E2F8: variants seen among roughly 807,000 people sequenced by gnomAD.
E2F8 encodes the protein E2F transcription factor 8, also known as transcription factor E2F8.
In E2F8, 35 loss-of-function variants were observed where a neutral mutation model predicts 80.8. The observed-to-expected ratio is 0.43, with a 90% CI of 0.33 to 0.57. The LOEUF (loss-of-function observed/expected upper bound fraction) is 0.57. Among genes scored for constraint, E2F8 ranks in the 20% least tolerant of loss-of-function variants. E2F8 has a pLI of 0.04. For synonymous variants in E2F8, 386 were observed against 395.0 expected (o/e 0.98, Z 0.27); for missense variants, 975 against 1,056.2 (o/e 0.92, Z 1.07).
chr11:19,235,017 C>G lies in E2F8; in HGVS notation c.493G>C (p.Glu165Gln). The stretch of plus-strand genomic sequence containing the variant: ...AGGCGGCTCACCATATGTAAACTCT[C>G]TAGGACGTTCACGATATCGTAAATG... ...RRIYDIVNVL[E>Q]SLHMVSRLAK... The change falls in exon 5 of 13, where the codon GAG becomes CAG. Residue 165 changes from glutamate to glutamine, a missense_variant. Coordinates refer to ENST00000250024, the MANE Select transcript of E2F8 (RefSeq NM_024680.4). The G allele has an allele frequency of 6.2e-7, 1 of 1,613,016 alleles. No individual in the cohort carries two copies. The highest frequency in any genetic ancestry group is 8.5e-7 in the Non-Finnish European group (1 of 1,179,444).
chr11:19,234,665 G>A, intron 5 of E2F8, 79 bp downstream of exon 5: 1 of 1,535,904 alleles, frequency 6.5e-7, no homozygotes, highest in East Asian at 2.2e-5. Flanking sequence ...TAGCTTTAGA[G>A]CTGTGTTCTC....
rs146633053 is a variant in E2F8 at position 19,237,462 on chromosome 11, T to G, written c.303A>C (p.Leu101Phe). ...PEAKDCIHEH[L>F]SGDEFEKSQP... Reference sequence around the variant, plus strand: ...GGGATTTCTCAAATTCATCTCCAGATAAGTGTTCCTACAAAGGAAAAGGTA... The same window carrying G: ...GGGATTTCTCAAATTCATCTCCAGAGAAGTGTTCCTACAAAGGAAAAGGTA... Residue 101 changes from leucine to phenylalanine, a missense_variant, in exon 4 of 13, where the codon TTA becomes TTC. Physicochemically the swap from Leu to Phe is conservative, Grantham distance 22. Transcript: ENST00000250024. 2.5e-4 allele frequency: 411 copies of G among 1,613,044 alleles called. No homozygotes were observed. Among genetic ancestry groups the G allele is most frequent in the Non-Finnish European group, 3.1e-4 (366 of 1,179,712 alleles).
intron 9 of E2F8, 104 bp downstream of exon 9, chr11:19,230,137 C>T: frequency 6.8e-7 from 1 of 1,474,898 alleles, no homozygotes; most frequent in Non-Finnish European, 9.2e-7. Context: ...AAAAGATTAG[C>T]TCTCCAGTTC....
In E2F8 at chr11:19,225,907, G is replaced by A. The variant is rs1341250065; in HGVS notation, c.1894-43C>T. 15 of 1,587,768 alleles carry A rather than the reference G, an allele frequency of 9.4e-6. No individual in the cohort carries two copies. In the African/African-American group the frequency reaches 9.5e-5, roughly 10 times the overall value. On this transcript the variant is annotated intron_variant, in intron 10 of 12. Transcript: ENST00000250024. ...AGGGTTTATTTTACACACAAATACA[G>A]GAAGAAAAATGGCCACGTGCCTCTT... is the stretch of plus-strand genomic sequence containing the variant.
chr11:19,232,292 T>G lies in E2F8; in HGVS notation c.1008A>C (p.Glu336Asp), dbSNP rs370518324. The change falls in exon 7 of 13, where the codon GAA becomes GAC. Residue 336 changes from glutamate (E) to aspartate (D), a missense_variant. Glu to Asp is a conservative substitution (Grantham distance 45). Transcript: ENST00000250024. ...ATTTGAAAGCTGGTTTTCGGCCTCT[T>G]TCCTCTGTAACATGAACTTTCTTGA... ...DLIKKVHVTE[E>D]RGRKPAFKWT... 1.1e-5 allele frequency: 17 copies of G among 1,614,108 alleles called. No individual in the cohort carries two copies. Among genetic ancestry groups the G allele is most frequent in the African/African-American group, 4.0e-5 (3 of 74,956 alleles).
rs192150944 is a variant in E2F8 at position 19,232,164 on chromosome 11, C to T, written c.1066+70G>A. 13 of 1,582,158 alleles carry T rather than the reference C, an allele frequency of 8.2e-6. No homozygotes were observed. The Admixed American group carries it at 2.1e-4, about 26-fold the overall frequency. ...GACACAGGGAGGGGAACAACACACACTGGAAATTAAAAATTAGAAAAACAC... is the reference window on the plus strand; with the variant it reads ...GACACAGGGAGGGGAACAACACACATTGGAAATTAAAAATTAGAAAAACAC... On this transcript the variant is annotated intron_variant, in intron 7 of 12. Transcript: ENST00000250024.
chr11:19,229,847 G>T lies in E2F8; in HGVS notation c.1500C>A (p.Ile500=), dbSNP rs555898969. The T allele has an allele frequency of 6.2e-7, 1 of 1,613,816 alleles. No homozygotes were observed. The highest frequency in any genetic ancestry group is 8.5e-7 in the Non-Finnish European group (1 of 1,179,980). Residue 500 remains isoleucine (I), a synonymous_variant, in exon 10 of 13, where the codon ATC becomes ATA. Coordinates refer to ENST00000250024, the MANE Select transcript of E2F8 (RefSeq NM_024680.4). This position sits in a 1 kb window ranked among gnomAD's most constrained non-coding sequence, Gnocchi z 4.3. ...LIQPLGMVPL[I]PSPLSSAVPL... ...GCACTGCTGATGACAAGGGGCTGGG[G>T]ATCAGGGGAACCATTCCCAGGGGCT...
chr11:19,225,874 A>G lies in E2F8; in HGVS notation c.1894-10T>C. 1 of 1,611,532 alleles carries G rather than the reference A, an allele frequency of 6.2e-7. No homozygotes were observed. Among genetic ancestry groups the G allele is most frequent in the East Asian group, 2.2e-5 (1 of 44,862 alleles). ...CTGATGGGAACAAGGTCTAGAAAAC[A>G]AGGAGGAAGGGTTTATTTTACACAC... On this transcript the variant is annotated splice_polypyrimidine_tract_variant and intron_variant, in intron 10 of 12. Transcript: ENST00000250024.
At chr11:19,236,347 T>G (rs1264268715) in intron 4 of E2F8, among the ~76,000 whole-genome samples, 2 of 152,206 alleles carry the variant, frequency 1.3e-5, no homozygotes, top group African/African-American at 4.8e-5. Flanking sequence ...CTACAATTTA[T>G]TTTTTCCACT....
chr11:19,226,420 G>A (rs1273820494), intron 10 of E2F8, among the ~76,000 whole-genome samples: 1 of 152,196 alleles, frequency 6.6e-6, no homozygotes, highest in African/African-American at 2.4e-5. Flanking sequence ...TTCTCCAAGT[G>A]GGGCACACAG....
At chr11:19,239,566 C>A (rs1851607517) in intron 2 of E2F8, among the ~76,000 whole-genome samples, 1 of 151,930 alleles carries the variant, frequency 6.6e-6, no homozygotes, top group Admixed American at 6.5e-5. Context: ...CATAAATAAG[C>A]TGCCAATTTG....
Position 19,225,379 on chromosome 11 carries a change from C to G in E2F8, c.2263G>C (p.Gly755Arg), listed in dbSNP as rs762809901. Reference sequence around the variant, plus strand: ...GGAGACACAGGAACGATTCCAGACCCAGGGCTGGCAGACAACTGCACATTG... The same window carrying G: ...GGAGACACAGGAACGATTCCAGACCGAGGGCTGGCAGACAACTGCACATTG... ...SPNVQLSASP[G>R]SGIVPVSPRI... Residue 755 changes from glycine (G) to arginine (R), a missense_variant, in exon 12 of 13, where the codon GGG becomes CGG. By Grantham distance (125) the Gly-to-Arg change is moderately radical. Transcript: ENST00000250024. 5.6e-6 allele frequency: 9 copies of G among 1,614,028 alleles called. No homozygotes were observed. Among genetic ancestry groups the G allele is most frequent in the Non-Finnish European group, 5.1e-6 (6 of 1,180,026 alleles).
rs1021865121 is a variant in E2F8 at position 19,224,501 on chromosome 11, A to G, written c.*157T>C. 2.7e-5 allele frequency: 16 copies of G among 596,972 alleles called. No individual in the cohort carries two copies. Among genetic ancestry groups the G allele is most frequent in the East Asian group, 1.7e-4 (6 of 34,292 alleles). The allele number at this position is 596,972 out of a possible 1,614,324, so 37.0% of individuals were successfully genotyped here. A position where few individuals can be genotyped will look rare whatever the true frequency, so the allele number is the denominator to read the frequency against. On this transcript the variant is annotated 3_prime_UTR_variant, in exon 13 of 13. Coordinates refer to ENST00000250024, the MANE Select transcript of E2F8 (RefSeq NM_024680.4). ...TGTGTGTGTGTGTGTGTGTGTGTAT[A>G]TATATATATGTATGAAAACAACTAT...
rs1378930137 is a variant in E2F8, at chr11:19,237,972, G to A, written c.176C>T (p.Pro59Leu). ...KEGSQGEPWT[P>L]TANLKMLISA... The stretch of plus-strand genomic sequence containing the variant: ...GATGAGCATTTTCAGGTTGGCTGTC[G>A]GTGTCCACGGCTCTCCCTGAGAGCC... Residue 59 changes from proline to leucine, a missense_variant, in exon 3 of 13, where the codon CCG becomes CTG. Coordinates refer to ENST00000250024, the MANE Select transcript of E2F8 (RefSeq NM_024680.4). 2.5e-6 allele frequency: 4 copies of A among 1,614,122 alleles called. No homozygotes were observed. Among genetic ancestry groups the A allele is most frequent in the Non-Finnish European group, 3.4e-6 (4 of 1,180,024 alleles).
rs1851622834 is a variant in E2F8 at position 19,240,204 on chromosome 11, A to G, written c.-83T>C. The G allele has an allele frequency of 4.5e-6, 4 of 889,262 alleles. No homozygotes were observed. In the East Asian group the frequency reaches 1.2e-4, roughly 26 times the overall value. The allele number at this position is 889,262 out of a possible 1,614,324, so 55.1% of individuals were successfully genotyped here. On this transcript the variant is annotated 5_prime_UTR_variant, in exon 2 of 13. Transcript: ENST00000250024. The stretch of plus-strand genomic sequence containing the variant: ...AAATCCCGATGGTTCAAGTAGTCCA[A>G]TCAATTGTACTAAAAGTTTTAATAT...
At position 19,240,178 on chromosome 11, in the gene E2F8, C is replaced by A; in HGVS notation, c.-57G>T. 1 of 1,281,500 alleles carries A rather than the reference C, an allele frequency of 7.8e-7. No homozygotes were observed. The highest frequency in any genetic ancestry group is 1.1e-6 in the Non-Finnish European group (1 of 938,194). The allele number at this position is 1,281,500 out of a possible 1,614,324, so 79.4% of individuals were successfully genotyped here. A position where few individuals can be genotyped will look rare whatever the true frequency, so the allele number is the denominator to read the frequency against. On this transcript the variant is annotated 5_prime_UTR_variant, in exon 2 of 13. Transcript: ENST00000250024. The stretch of plus-strand genomic sequence containing the variant: ...AAATGAAAAATCTGGAGTTCCTCCC[C>A]AAATCCCGATGGTTCAAGTAGTCCA...
intron 5 of E2F8, 69 bp downstream of exon 5, chr11:19,234,675 C>T (rs899734932): frequency 1.3e-6 from 2 of 1,547,712 alleles, no homozygotes; most frequent in African/African-American, 2.7e-5. Context: ...GCTGTGTTCT[C>T]CACAGAACCT....
chr11:19,226,865 A>G (rs761900534), intron 10 of E2F8, among the ~76,000 whole-genome samples: 1 of 152,232 alleles, frequency 6.6e-6, no homozygotes, highest in Non-Finnish European at 1.5e-5. Context: ...AATTACAAAT[A>G]AGAGAACTGA....
chr11:19,237,393 C>T lies in E2F8; in HGVS notation c.372G>A (p.Lys124=), dbSNP rs771255475. 1 of 1,614,162 alleles carries T rather than the reference C, an allele frequency of 6.2e-7. No individual in the cohort carries two copies. The highest frequency in any genetic ancestry group is 1.1e-5 in the South Asian group (1 of 91,084). ...KEKSLGLLCH[K]FLARYPNYPN... is the part of the protein sequence containing the mutation. ...GATAATTAGGATATCGTGCTAAGAA[C>T]TTATGACACAATAATCCTAAACTTT... Residue 124 remains lysine (K), a synonymous_variant, in exon 4 of 13, where the codon AAG becomes AAA. Transcript: ENST00000250024.
Sources: allele counts gnomAD v4.1 joint callset (sites outside exome capture counted in the v4.1 genomes callset), GRCh38; gene constraint gnomAD v4.1.1; non-coding constraint Gnocchi (gnomAD v3.1); transcripts MANE v1.5; gene names NCBI Gene and HGNC (gene_info 2026-07-23, HGNC 2026-07-21).